Variants in CEMIP observed in about 807,000 individuals in gnomAD.
CEMIP encodes cell migration-inducing and hyaluronan-binding protein.
In CEMIP, 105 loss-of-function variants were observed where a neutral mutation model predicts 156.9. The observed-to-expected ratio is 0.67, with a 90% CI of 0.57 to 0.79. The LOEUF (loss-of-function observed/expected upper bound fraction) is 0.79, where lower values mean the gene tolerates loss of function less well. Ranked by LOEUF, CEMIP falls within the 30% of genes least tolerant of loss-of-function variation. The pLI is 0.00. For missense variants in CEMIP, 1,457 were observed against 1,769.4 expected, an observed-to-expected ratio of 0.82 and a Z score of 3.17; for synonymous variants, 676 against 668.4, an observed-to-expected ratio of 1.01 and a Z score of -0.17.
intron 18 of CEMIP, 148 bp from the exon 19 acceptor site, chr15:80,925,476 A>C: frequency 7.5e-6 from 8 of 1,061,010 alleles, no homozygotes; most frequent in South Asian, 1.5e-5. Flanking sequence ...AGTTCATTCA[A>C]GAGCCCAGGC....
chr15:80,820,029 C>A (rs776489867), intron 1 of CEMIP, among the ~76,000 whole-genome samples: 1 of 152,224 alleles, frequency 6.6e-6, no homozygotes, highest in Non-Finnish European at 1.5e-5. Flanking sequence ...TGAAGCTCAA[C>A]CAGCCTTTCT....
chr15:80,942,319 C>G lies in CEMIP; in HGVS notation c.3681C>G (p.Asn1227Lys). 6.2e-7 allele frequency: 1 copy of G among 1,614,024 alleles called. No individual in the cohort carries two copies. The highest frequency in any genetic ancestry group is 8.5e-7 in the Non-Finnish European group (1 of 1,179,872). Residue 1227 changes from asparagine to lysine, a missense_variant, in exon 27 of 30, where the codon AAC becomes AAG. Transcript: ENST00000394685. ...SSKQHFFHLW[N>K]DFAYIEVDGK... ...AGCAGCACTTCTTCCACCTCTGGAACGACTTCGCTTACATTGAAGTAAGTG... is the reference window on the plus strand; with the variant it reads ...AGCAGCACTTCTTCCACCTCTGGAAGGACTTCGCTTACATTGAAGTAAGTG...
chr15:80,900,873 C>A (rs905679486), intron 12 of CEMIP: 3 of 452,090 alleles, frequency 6.6e-6, no homozygotes, highest in South Asian at 1.6e-5. Flanking sequence ...CCCAGGCTGG[C>A]TGCAGACACG....
Position 80,806,254 on chromosome 15 carries a change from A to C in CEMIP, c.-176+26640A>C, listed in dbSNP as rs1596101866. ...GGTGCCTAGGTATTGTTTGACCTTG[A>C]CTTGGTCCAAGGTATTCACTAATGC... On this transcript the variant is annotated intron_variant, in intron 1 of 29. Coordinates refer to ENST00000394685, the MANE Select transcript of CEMIP (RefSeq NM_001293298.2). Among the ~76,000 whole-genome samples, 3 of 152,330 alleles carry C rather than the reference A, an allele frequency of 2.0e-5. 1 individual carries two copies. The South Asian group carries it at 6.2e-4, about 32-fold the overall frequency.
At chr15:80,920,034 A>G (rs1164331702) in intron 14 of CEMIP, 60 bp from the exon 15 acceptor site, 2 of 1,505,452 alleles carry the variant, frequency 1.3e-6, no homozygotes, top group African/African-American at 2.7e-5. Flanking sequence ...TGCTGAATGC[A>G]TGAATGAGCA....
At chr15:80,869,642 C>T (rs1057490476) in intron 1 of CEMIP, among the ~76,000 whole-genome samples, 4 of 152,178 alleles carry the variant, frequency 2.6e-5, no homozygotes, top group African/African-American at 7.2e-5. Context: ...TCCTTGTGTA[C>T]TTGCCTCTCT....
At chr15:80,877,999 T>C (rs1898528870) in intron 3 of CEMIP, among the ~76,000 whole-genome samples, 2 of 152,216 alleles carry the variant, frequency 1.3e-5, no homozygotes, top group South Asian at 2.1e-4. Flanking sequence ...AGACTGTAAC[T>C]GGACAAGTGT....
chr15:80,786,233 A>G (rs2660990), intron 1 of CEMIP, among the ~76,000 whole-genome samples: 136,025 of 152,082 alleles, frequency 0.89, 62,123 homozygotes, highest in Non-Finnish European at 0.99. Flanking sequence ...TTGTGTTGCT[A>G]TGTCTTTTTG....
chr15:80,822,194 G>T (rs1324150163), intron 1 of CEMIP, among the ~76,000 whole-genome samples: 1 of 152,200 alleles, frequency 6.6e-6, no homozygotes, highest in Non-Finnish European at 1.5e-5. Flanking sequence ...GGCTCCCCCA[G>T]ATGTGTTTCC....
chr15:80,879,980 G>C, intron 5 of CEMIP, 126 bp downstream of exon 5: 1 of 1,077,006 alleles, frequency 9.3e-7, no homozygotes, highest in Non-Finnish European at 1.4e-6. Flanking sequence ...TGTCCTGCCA[G>C]ATGGGGATCA....
intron 1 of CEMIP, among the ~76,000 whole-genome samples, chr15:80,792,136 G>A (rs1896097569): frequency 6.6e-6 from 1 of 152,184 alleles, no homozygotes; most frequent in Non-Finnish European, 1.5e-5. Flanking sequence ...AGTAGCCAGA[G>A]GAGAGAAAGT....
chr15:80,912,738 A>T (rs1200586024), intron 14 of CEMIP, among the ~76,000 whole-genome samples: 1 of 152,210 alleles, frequency 6.6e-6, no homozygotes, highest in East Asian at 1.9e-4. Context: ...CCACTGGGGC[A>T]GAGATTTCCA....
intron 28 of CEMIP, among the ~76,000 whole-genome samples, chr15:80,945,960 T>C (rs1366025809): frequency 6.6e-6 from 1 of 152,234 alleles, no homozygotes; most frequent in Non-Finnish European, 1.5e-5. Flanking sequence ...GGTGCACACA[T>C]TGCTCCAAAC....
At chr15:80,798,331 C>G (rs755576256) in intron 1 of CEMIP, among the ~76,000 whole-genome samples, 1 of 152,078 alleles carries the variant, frequency 6.6e-6, no homozygotes, top group African/African-American at 2.4e-5. Context: ...TTTTTAATTG[C>G]TATAAAATAA....
Position 80,884,426 on chromosome 15 carries a change from C to T in CEMIP, c.797+72C>T, listed in dbSNP as rs1898766747. On this transcript the variant is annotated intron_variant, in intron 7 of 29. Transcript: ENST00000394685. ...CCACTCTATCCCACTGAGAATTTAC[C>T]TTTCCCATCTCCTCTCCCCACAGCC... 2.0e-5 allele frequency: 30 copies of T among 1,483,270 alleles called. 1 individual carries two copies. In the South Asian group the frequency reaches 3.4e-4, roughly 17 times the overall value. The allele number at this position is 1,483,270 out of a possible 1,614,324, so 91.9% of individuals were successfully genotyped here. A position where few individuals can be genotyped will look rare whatever the true frequency, so the allele number is the denominator to read the frequency against.
intron 4 of CEMIP, 62 bp from the exon 5 acceptor site, chr15:80,879,652 GCT>G: frequency 6.2e-7 from 1 of 1,604,340 alleles, no homozygotes; most frequent in South Asian, 1.1e-5. Flanking sequence ...TCTGCCCTTG[GCT>G]CTGATATAAC....
intron 3 of CEMIP, among the ~76,000 whole-genome samples, chr15:80,877,450 C>T (rs956905384): frequency 2.0e-5 from 3 of 152,196 alleles, no homozygotes; most frequent in Non-Finnish European, 2.9e-5. Context: ...CACCTCCTCA[C>T]CCCCAACCCG....
At position 80,949,278 on chromosome 15, in the gene CEMIP, T is replaced by G; in HGVS notation, c.*354T>G. The G allele has an allele frequency of 2.7e-6, 1 of 375,842 alleles. No individual in the cohort carries two copies. Among genetic ancestry groups the G allele is most frequent in the South Asian group, 2.2e-5 (1 of 45,990 alleles). 23.3% of individuals were successfully genotyped at this position (375,842 alleles called of 1,614,324 possible). On this transcript the variant is annotated 3_prime_UTR_variant, in exon 30 of 30. Coordinates refer to ENST00000394685, the MANE Select transcript of CEMIP (RefSeq NM_001293298.2). ...CAAAGATCCACTTTGGCAGGAGCCC[T>G]GACCCAGCTAGGAGGTAGTCTGGAG...
At chr15:80,891,246 C>A (rs558944217) in intron 10 of CEMIP, among the ~76,000 whole-genome samples, 1 of 152,182 alleles carries the variant, frequency 6.6e-6, no homozygotes, top group African/African-American at 2.4e-5. Context: ...GGAAGACCAC[C>A]TCTCAGTGCC....
Sources: gnomAD v4.1 joint callset for allele counts (sites outside exome capture counted in the v4.1 genomes callset) on GRCh38, gnomAD v4.1.1 for gene constraint, MANE v1.5 for transcripts, NCBI Gene and HGNC (gene_info 2026-07-23, HGNC 2026-07-21) for gene names.